Variants in DSPP observed in about 807,000 individuals in gnomAD.
DSPP encodes the protein deafness, autosomal dominant 39.
In DSPP, 28 loss-of-function variants were observed where a neutral mutation model predicts 29.1. That is an observed-to-expected ratio of 0.96 (90% confidence interval 0.71 to 1.32). The LOEUF (loss-of-function observed/expected upper bound fraction) is 1.32, where lower values mean the gene tolerates loss of function less well. DSPP is among the 40% of genes most tolerant of loss of function. DSPP has a pLI of 0.00. For missense variants in DSPP, 1,281 were observed against 1,629.9 expected, an observed-to-expected ratio of 0.79 and a Z score of 3.69; for synonymous variants, 481 against 503.4, an observed-to-expected ratio of 0.96 and a Z score of 0.60.
intron 1 of DSPP, 113 bp from the exon 2 acceptor site, chr4:87,610,768 G>A (rs1727718507): frequency 1.4e-6 from 1 of 727,194 alleles, no homozygotes; most frequent in African/African-American, 1.8e-5. Flanking sequence ...TCTCGTGTTA[G>A]ATACATGCTT....
chr4:87,616,837 AG>A lies in DSPP; in HGVS notation c.*270del, dbSNP rs1384247982. 1 of 625,788 alleles carries A rather than the reference AG, an allele frequency of 1.6e-6. No homozygotes were observed. The highest frequency in any genetic ancestry group is 1.8e-5 in the African/African-American group (1 of 54,314). The allele number at this position is 625,788 out of a possible 1,614,324, so 38.8% of individuals were successfully genotyped here. On this transcript the variant is annotated 3_prime_UTR_variant, in exon 5 of 5. Coordinates refer to ENST00000651931, the MANE Select transcript of DSPP (RefSeq NM_014208.3). ...TTAAAAGTGTAAATCTAAACATAAA[AG>A]AACAATTAAAATATTCTTTAATACT...
intron 2 of DSPP, among the ~76,000 whole-genome samples, chr4:87,611,174 G>A (rs1485919351): frequency 6.6e-6 from 1 of 151,854 alleles, no homozygotes; most frequent in East Asian, 1.9e-4. Context: ...TGATATCTGT[G>A]AGGTTTCAAC....
In DSPP at chr4:87,612,863, A is replaced by C; in HGVS notation, c.677A>C (p.Glu226Ala). ...AACAGCAAGAGAAATGGGACTAAGG[A>C]AGCTGAGGTAACACCAGGCACTGGA... ...QINSKRNGTK[E>A]AEVTPGTGED... Residue 226 changes from glutamate (E) to alanine (A), a missense_variant, in exon 4 of 5, where the codon GAA becomes GCA. Glu to Ala is a moderately radical substitution (Grantham distance 107). This residue lies in a region of DSPP where 631 missense variants were observed against 643.2 expected (regional missense o/e 0.98). Coordinates refer to ENST00000651931, the MANE Select transcript of DSPP (RefSeq NM_014208.3). The C allele has an allele frequency of 6.2e-7, 1 of 1,614,190 alleles. No homozygotes were observed. The highest frequency in any genetic ancestry group is 8.5e-7 in the Non-Finnish European group (1 of 1,180,024).
intron 4 of DSPP, 26 bp from the exon 5 acceptor site, chr4:87,613,759 T>C (rs748370495): frequency 4.2e-5 from 67 of 1,613,958 alleles, no homozygotes; most frequent in Non-Finnish European, 5.5e-5. Flanking sequence ...CACTAGTTAA[T>C]CATTCTTTCC....
chr4:87,614,666 T>A lies in DSPP; in HGVS notation c.2004T>A (p.Ser668Arg). Reference protein sequence around the residue: ...DSSNSSNSSDSSDSSDSSDSS... With the variant: ...DSSNSSNSSDRSDSSDSSDSS... ...GCAATAGCAGTAACAGCAGTGATAG[T>A]AGTGACAGCAGTGATAGCAGTGACA... is the stretch of plus-strand genomic sequence containing the variant. Residue 668 changes from serine (S) to arginine (R), a missense_variant, in exon 5 of 5, where the codon AGT (serine) becomes AGA (arginine). This residue lies in a region of DSPP where 444 missense variants were observed against 611.4 expected (regional missense o/e 0.73). Transcript: ENST00000651931. The A allele has an allele frequency of 8.0e-7, 1 of 1,255,354 alleles. No individual in the cohort carries two copies. The highest frequency in any genetic ancestry group is 1.1e-6 in the Non-Finnish European group (1 of 923,226). The allele number at this position is 1,255,354 out of a possible 1,614,324, so 77.8% of individuals were successfully genotyped here.
At chr4:87,609,402 T>C (rs1727694736) in intron 1 of DSPP, among the ~76,000 whole-genome samples, 1 of 152,202 alleles carries the variant, frequency 6.6e-6, no homozygotes, top group Non-Finnish European at 1.5e-5. Flanking sequence ...AGCTATGTAA[T>C]GATTAGGCTT....
At position 87,612,945 on chromosome 4, in the gene DSPP, G is replaced by A. The variant is rs1727767274; in HGVS notation, c.759G>A (p.Glu253=). ...DGSPSGNGAD[E]DEDEGSGDDE... ...GTCCTAGTGGGAATGGAGCAGATGA[G>A]GATGAAGACGAGGGTTCTGGTGATG... Residue 253 remains glutamate (E), a synonymous_variant, in exon 4 of 5, where the codon GAG becomes GAA. Transcript: ENST00000651931. The A allele has an allele frequency of 6.2e-7, 1 of 1,614,156 alleles. No homozygotes were observed. The highest frequency in any genetic ancestry group is 1.7e-5 in the Admixed American group (1 of 60,008).
intron 1 of DSPP, among the ~76,000 whole-genome samples, chr4:87,609,621 T>C (rs1727698537): frequency 6.6e-6 from 1 of 152,204 alleles, no homozygotes; most frequent in African/African-American, 2.4e-5. Flanking sequence ...TCTGGAACTG[T>C]GTCATCTCTC....
chr4:87,616,707 C>CA lies in DSPP; in HGVS notation c.*142dup. The CA allele has an allele frequency of 1.4e-6, 2 of 1,419,196 alleles. No homozygotes were observed. The highest frequency in any genetic ancestry group is 2.6e-5 in the South Asian group (2 of 78,364). 87.9% of individuals were successfully genotyped at this position (1,419,196 alleles called of 1,614,324 possible). ...ACAAAAACAACTGGGGGAATCAAAT[C>CA]AAACAGTTGGATTCAGAACCAAGAC... On this transcript the variant is annotated 3_prime_UTR_variant, in exon 5 of 5. Coordinates refer to ENST00000651931, the MANE Select transcript of DSPP (RefSeq NM_014208.3).
At chr4:87,612,023 G>T in intron 2 of DSPP, 82 bp from the exon 3 acceptor site, 1 of 1,174,258 alleles carries the variant, frequency 8.5e-7, no homozygotes, top group East Asian at 2.5e-5. Flanking sequence ...GTGTGTGTGT[G>T]TGTGTGTGTG....
chr4:87,612,045 G>T, intron 2 of DSPP, 60 bp from the exon 3 acceptor site: 27 of 1,322,976 alleles, frequency 2.0e-5, no homozygotes, highest in Non-Finnish European at 2.8e-5. Flanking sequence ...GTGTGTGCAC[G>T]CTCACACACA....
chr4:87,615,070 G>A lies in DSPP; in HGVS notation c.2408G>A (p.Ser803Asn), dbSNP rs1325463371. 1.9e-6 allele frequency: 3 copies of A among 1,550,762 alleles called. No individual in the cohort carries two copies. The highest frequency in any genetic ancestry group is 3.9e-5 in the Admixed American group (2 of 50,926). ...DSSDSSNSSD[S>N]SNSSDSSDSS... The stretch of plus-strand genomic sequence containing the variant: ...AGTGATAGCAGCAACAGCAGTGATA[G>A]CAGCAACAGCAGTGATAGCAGTGAT... Residue 803 changes from serine to asparagine, a missense_variant, in exon 5 of 5, where the codon AGC (serine) becomes AAC (asparagine). Physicochemically the swap from Ser to Asn is conservative, Grantham distance 46. Coordinates refer to ENST00000651931, the MANE Select transcript of DSPP (RefSeq NM_014208.3).
chr4:87,615,620 T>A lies in DSPP; in HGVS notation c.2958T>A (p.Ser986Arg). ...SSDSSNSSDS[S>R]DSSDSSDSSD... ...ACAGCAGCAACAGCAGCGATAGCAGTGACAGCAGTGATAGCAGTGACAGCA... is the reference window on the plus strand; with the variant it reads ...ACAGCAGCAACAGCAGCGATAGCAGAGACAGCAGTGATAGCAGTGACAGCA... Residue 986 changes from serine (S) to arginine (R), a missense_variant, in exon 5 of 5, where the codon AGT (serine) becomes AGA (arginine). Around this residue, in one of 4 missense-constraint regions of DSPP, gnomAD observed 444 missense variants for 611.4 expected, o/e 0.73. Transcript: ENST00000651931. The A allele has an allele frequency of 6.6e-7, 1 of 1,526,064 alleles. No individual in the cohort carries two copies. Among genetic ancestry groups the A allele is most frequent in the Non-Finnish European group, 8.8e-7 (1 of 1,140,312 alleles). 94.5% of individuals were successfully genotyped at this position (1,526,064 alleles called of 1,614,324 possible).
rs747916543 is a variant in DSPP at position 87,612,935 on chromosome 4, GAGC to G, written c.752_754del (p.Ala251del). The G allele has an allele frequency of 6.2e-7, 1 of 1,614,188 alleles. No homozygotes were observed. Among genetic ancestry groups the G allele is most frequent in the East Asian group, 2.2e-5 (1 of 44,888 alleles). Reference sequence around the variant, plus strand: ...TCCGATGGGAGTCCTAGTGGGAATGGAGCAGATGAGGATGAAGACGAGGGTTCT... The same window carrying G: ...TCCGATGGGAGTCCTAGTGGGAATGGAGATGAGGATGAAGACGAGGGTTCT... On this transcript the variant is annotated inframe_deletion, in exon 4 of 5. Transcript: ENST00000651931.
chr4:87,609,936 G>A (rs1039005398), intron 1 of DSPP, among the ~76,000 whole-genome samples: 1 of 152,308 alleles, frequency 6.6e-6, no homozygotes, highest in East Asian at 1.9e-4. Context: ...GAAGAATCAT[G>A]ATTTTAGAAG....
At chr4:87,610,493 T>G (rs1162490393) in intron 1 of DSPP, among the ~76,000 whole-genome samples, 1 of 152,214 alleles carries the variant, frequency 6.6e-6, no homozygotes, top group Non-Finnish European at 1.5e-5. Flanking sequence ...TCTATAGATT[T>G]GGAGTAAGGA....
At chr4:87,610,072 T>C (rs937717441) in intron 1 of DSPP, among the ~76,000 whole-genome samples, 1 of 152,152 alleles carries the variant, frequency 6.6e-6, no homozygotes, top group Admixed American at 6.5e-5. Context: ...GTGCTTTGCA[T>C]TGGAATACAA....
intron 1 of DSPP, among the ~76,000 whole-genome samples, 167 bp downstream of exon 1, chr4:87,608,787 G>A (rs188848342): frequency 1.2e-4 from 18 of 152,166 alleles, no homozygotes; most frequent in South Asian, 4.1e-4. Flanking sequence ...AAAAGATAAC[G>A]GACAATTACG....
chr4:87,611,093 G>GTA (rs1727727678), intron 2 of DSPP, 134 bp downstream of exon 2: 1 of 884,810 alleles, frequency 1.1e-6, no homozygotes, highest in Middle Eastern at 2.7e-4. Flanking sequence ...ATGTGTGTGT[G>GTA]TATATATGTT....
Sources: gnomAD v4.1 joint callset for allele counts (sites outside exome capture counted in the v4.1 genomes callset) on GRCh38, gnomAD v4.1.1 for gene constraint, gnomAD v4.1.1 regional missense constraint, MANE v1.5 for transcripts, NCBI Gene and HGNC (gene_info 2026-07-23, HGNC 2026-07-21) for gene names.